RAB33B: variants seen among roughly 807,000 people sequenced by gnomAD.
RAB33B encodes the protein ras-related protein Rab-33B.
Under a neutral mutation model 15.0 loss-of-function variants are expected in RAB33B, and 6 were observed. The ratio of observed to expected loss-of-function variants is 0.40; its 90% CI spans 0.22 to 0.79. The LOEUF (loss-of-function observed/expected upper bound fraction) is 0.79, where lower values mean the gene tolerates loss of function less well. Ranked by LOEUF, RAB33B falls within the 30% of genes least tolerant of loss-of-function variation. The probability of loss-of-function intolerance (pLI) is 0.37; values close to 1 mark genes in which losing one functional copy is unlikely to be tolerated. For missense variants in RAB33B, 257 were observed against 296.4 expected (o/e 0.87, Z 0.98); for synonymous variants, 117 against 108.3 (o/e 1.08, Z -0.50).
rs551024353 is a variant in RAB33B at position 139,475,713 on chromosome 4, C to T, written c.*2587C>T. 2.0e-5 allele frequency: 3 copies of T among 152,092 alleles called. No individual in the cohort carries two copies. In the East Asian group the frequency reaches 5.8e-4, roughly 29 times the overall value. The allele number at this position is 152,092 out of a possible 1,614,324, so 9.4% of individuals were successfully genotyped here. A position where few individuals can be genotyped will look rare whatever the true frequency, so the allele number is the denominator to read the frequency against. On this transcript the variant is annotated 3_prime_UTR_variant, in exon 2 of 2. Transcript: ENST00000305626. ...GAAAATAAATAATTAAAATATCAGA[C>T]ATGTTTTGGAAAAGTCTTAATTTGA... is the stretch of plus-strand genomic sequence containing the variant.
chr4:139,450,867 TATA>T (rs1159526847), upstream of RAB33B: 1 of 151,902 alleles, frequency 6.6e-6, no homozygotes, highest in Non-Finnish European at 1.5e-5. Context: ...TCTTATTTTG[TATA>T]TAAGATTATC....
At position 139,476,149 on chromosome 4, in the gene RAB33B, G is replaced by A. The variant is rs1415194815; in HGVS notation, c.*3023G>A. Reference sequence around the variant, plus strand: ...CTGATAACACAGCTTTTGTATTTGTGTGTTTTAGTAATCCAGCTTGTTTTA... The same window carrying A: ...CTGATAACACAGCTTTTGTATTTGTATGTTTTAGTAATCCAGCTTGTTTTA... On this transcript the variant is annotated 3_prime_UTR_variant, in exon 2 of 2. Transcript: ENST00000305626. The A allele has an allele frequency of 6.6e-6, 1 of 152,196 alleles. No individual in the cohort carries two copies. Among genetic ancestry groups the A allele is most frequent in the Non-Finnish European group, 1.5e-5 (1 of 68,012 alleles). The allele number at this position is 152,196 out of a possible 1,614,324, so 9.4% of individuals were successfully genotyped here. A position where few individuals can be genotyped will look rare whatever the true frequency, so the allele number is the denominator to read the frequency against.
chr4:139,472,200 C>G lies in RAB33B; in HGVS notation c.250-486C>G, dbSNP rs148779861. 6.0e-3 allele frequency among the ~76,000 whole-genome samples: 918 copies of G among 152,176 alleles called. 12 individuals carry two copies. The highest frequency in any genetic ancestry group is 0.021 in the African/African-American group (878 of 41,522). On this transcript the variant is annotated intron_variant, in intron 1 of 1. Coordinates refer to ENST00000305626, the MANE Select transcript of RAB33B (RefSeq NM_031296.3). Reference sequence around the variant, plus strand: ...TTTTTTTCTAGCCTTCTTAAGTTTTCAAGGGGTCCTGGATTTCATAGACAT... The same window carrying G: ...TTTTTTTCTAGCCTTCTTAAGTTTTGAAGGGGTCCTGGATTTCATAGACAT...
In RAB33B at chr4:139,473,022, G is replaced by A; in HGVS notation, c.586G>A (p.Ala196Thr). ...DHVEAIFMTL[A>T]HKLKSHKPLM... ...TGTGGAAGCTATATTTATGACCTTGGCTCATAAGCTTAAGAGCCACAAACC... is the reference window on the plus strand; with the variant it reads ...TGTGGAAGCTATATTTATGACCTTGACTCATAAGCTTAAGAGCCACAAACC... Residue 196 changes from alanine to threonine, a missense_variant, in exon 2 of 2, where the codon GCT (alanine) becomes ACT (threonine). By Grantham distance (58) the Ala-to-Thr change is moderately conservative. Coordinates refer to ENST00000305626, the MANE Select transcript of RAB33B (RefSeq NM_031296.3). 6.2e-7 allele frequency: 1 copy of A among 1,614,084 alleles called. No homozygotes were observed. Among genetic ancestry groups the A allele is most frequent in the Non-Finnish European group, 8.5e-7 (1 of 1,180,008 alleles).
At position 139,474,292 on chromosome 4, in the gene RAB33B, A is replaced by T. The variant is rs980189154; in HGVS notation, c.*1166A>T. The T allele has an allele frequency of 6.6e-6, 1 of 152,180 alleles. No individual in the cohort carries two copies. Among genetic ancestry groups the T allele is most frequent in the Non-Finnish European group, 1.5e-5 (1 of 68,018 alleles). The allele number at this position is 152,180 out of a possible 1,614,324, so 9.4% of individuals were successfully genotyped here. ...AGTGACATAAGGTGCTTTATATTTT[A>T]TTTTGGTATATTTAAACAGTGAAAA... On this transcript the variant is annotated 3_prime_UTR_variant, in exon 2 of 2. Transcript: ENST00000305626.
chr4:139,457,503 T>C (rs1750090820), intron 1 of RAB33B, among the ~76,000 whole-genome samples: 2 of 152,238 alleles, frequency 1.3e-5, no homozygotes, highest in Admixed American at 1.3e-4. Flanking sequence ...AACATTTTAG[T>C]AGCTTACTTT....
At chr4:139,466,839 C>T (rs920997067) in intron 1 of RAB33B, among the ~76,000 whole-genome samples, 1 of 151,990 alleles carries the variant, frequency 6.6e-6, no homozygotes, top group African/African-American at 2.4e-5. Context: ...CTCGGCCTCC[C>T]AAAGTGCTGG....
chr4:139,462,034 CTTG>C (rs1158219834), intron 1 of RAB33B, among the ~76,000 whole-genome samples: 2 of 148,892 alleles, frequency 1.3e-5, no homozygotes, highest in Non-Finnish European at 3.0e-5. Flanking sequence ...ATAGTAGATT[CTTG>C]TTGTTGATGA....
At chr4:139,471,258 C>A (rs1370039830) in intron 1 of RAB33B, among the ~76,000 whole-genome samples, 1 of 152,158 alleles carries the variant, frequency 6.6e-6, no homozygotes, top group Non-Finnish European at 1.5e-5. Flanking sequence ...AGTGTTCCCT[C>A]TGTGGGTAGA....
At chr4:139,465,575 A>G (rs1052573462) in intron 1 of RAB33B, among the ~76,000 whole-genome samples, 88 of 152,268 alleles carry the variant, frequency 5.8e-4, no homozygotes, top group Non-Finnish European at 1.2e-3. Flanking sequence ...TATAAGGTGT[A>G]AGGAAGGGAT....
intron 1 of RAB33B, among the ~76,000 whole-genome samples, chr4:139,465,722 C>CTTTTTTTTTTTTTT (rs375295002): frequency 7.5e-6 from 1 of 133,234 alleles, no homozygotes; most frequent in African/African-American, 2.9e-5. Flanking sequence ...TCTTCTTCTT[C>CTTTTTTTTTTTTTT]TTTTTTTTTT....
intron 1 of RAB33B, among the ~76,000 whole-genome samples, chr4:139,467,546 T>C (rs1486915754): frequency 6.6e-6 from 1 of 151,670 alleles, no homozygotes; most frequent in Non-Finnish European, 1.5e-5. Context: ...TCCCCTCAAG[T>C]ATTTATCCTT....
chr4:139,471,739 A>T (rs569074180), intron 1 of RAB33B, among the ~76,000 whole-genome samples: 440 of 152,196 alleles, frequency 2.9e-3, no homozygotes, highest in South Asian at 0.018. Flanking sequence ...AAATATTTTT[A>T]ATTTTGATGA....
chr4:139,465,055 T>G (rs951693420), intron 1 of RAB33B, among the ~76,000 whole-genome samples: 2 of 152,208 alleles, frequency 1.3e-5, no homozygotes, highest in African/African-American at 2.4e-5. Flanking sequence ...CACCTGTTGT[T>G]TCCTGACTTT....
chr4:139,468,475 A>G (rs970263085), intron 1 of RAB33B, among the ~76,000 whole-genome samples: 3 of 152,110 alleles, frequency 2.0e-5, no homozygotes, highest in Admixed American at 2.0e-4. Flanking sequence ...CCACTTTTTA[A>G]CTTTTTCTTG....
At position 139,474,364 on chromosome 4, in the gene RAB33B, A is replaced by T. The variant is rs1750460291; in HGVS notation, c.*1238A>T. ...AGTTGTAACTTGGGGGAAAATAGGT[A>T]AACATAGCTTCTAGCTAACACAGGA... On this transcript the variant is annotated 3_prime_UTR_variant, in exon 2 of 2. Coordinates refer to ENST00000305626, the MANE Select transcript of RAB33B (RefSeq NM_031296.3). The T allele has an allele frequency of 6.6e-6, 1 of 152,240 alleles. No homozygotes were observed. 9.4% of individuals were successfully genotyped at this position (152,240 alleles called of 1,614,324 possible).
chr4:139,455,087 C>T (rs929949177), intron 1 of RAB33B, among the ~76,000 whole-genome samples: 1 of 152,190 alleles, frequency 6.6e-6, no homozygotes, highest in Admixed American at 6.5e-5. Context: ...CAGACACACG[C>T]CCAATTCTTT....
the RAB33B span, among the ~76,000 whole-genome samples, chr4:139,441,400 T>G: frequency 6.6e-6 from 1 of 152,186 alleles, no homozygotes; most frequent in Non-Finnish European, 1.5e-5. Flanking sequence ...TTCAAAGCAT[T>G]AGCATATATA....
Position 139,454,165 on chromosome 4 carries a change from C to G in RAB33B, c.-31C>G, listed in dbSNP as rs760496697. On this transcript the variant is annotated 5_prime_UTR_variant, in exon 1 of 2. Transcript: ENST00000305626. ...CTCTCAGCCTTTCTGTGTCTCCTTT[C>G]CTCCGCCTCAGTTTGGGGCGGGTCG... 3 of 1,588,050 alleles carry G rather than the reference C, an allele frequency of 1.9e-6. No individual in the cohort carries two copies. Among genetic ancestry groups the G allele is most frequent in the Non-Finnish European group, 2.6e-6 (3 of 1,166,280 alleles).
Sources: gnomAD v4.1 joint callset for allele counts (sites outside exome capture counted in the v4.1 genomes callset) on GRCh38, gnomAD v4.1.1 for gene constraint, MANE v1.5 for transcripts, NCBI Gene and HGNC (gene_info 2026-07-23, HGNC 2026-07-21) for gene names.